ATXN7: variants seen among roughly 807,000 people sequenced by gnomAD.
ATXN7 encodes ataxin-7.
Under a neutral mutation model 70.5 loss-of-function variants are expected in ATXN7, and 12 were observed. That is an observed-to-expected ratio of 0.17 (90% CI 0.11 to 0.28). The LOEUF is 0.28. Ranked by LOEUF, ATXN7 falls within the 10% of genes least tolerant of loss-of-function variation. The pLI is 1.00. For missense variants in ATXN7, 1,256 were observed against 1,131.7 expected (o/e 1.11, Z -1.58); for synonymous variants, 498 against 448.7 (o/e 1.11, Z -1.39).
chr3:63,920,724 T>C (rs72880330), intron 4 of ATXN7, among the ~76,000 whole-genome samples: 2,878 of 152,240 alleles, frequency 0.019, 98 homozygotes, highest in African/African-American at 0.063. Flanking sequence ...TTAGAAGTAA[T>C]GGGCTTTTTA....
At chr3:63,876,608 T>C (rs1702754710) in intron 1 of ATXN7, among the ~76,000 whole-genome samples, 1 of 152,164 alleles carries the variant, frequency 6.6e-6, no homozygotes, top group Non-Finnish European at 1.5e-5. Context: ...CTAGAAAAGA[T>C]TTTTCAGTAC....
chr3:63,990,687 G>A (rs1031538989), intron 10 of ATXN7, 51 bp from the exon 11 acceptor site: 1 of 1,613,396 alleles, frequency 6.2e-7, no homozygotes, highest in Non-Finnish European at 8.5e-7. Flanking sequence ...ACCCTGACTG[G>A]GCATGCCAGT....
At chr3:63,988,499 C>A in intron 9 of ATXN7, 175 bp downstream of exon 9, 1 of 840,792 alleles carries the variant, frequency 1.2e-6, no homozygotes, top group Non-Finnish European at 1.8e-6. Context: ...CAGTAAGTTT[C>A]AACCAGGGCT....
intron 1 of ATXN7, chr3:63,878,491 A>G (rs746366040): frequency 6.6e-6 from 1 of 152,244 alleles, no homozygotes; most frequent in Non-Finnish European, 1.5e-5. Context: ...AATTTGCAAG[A>G]TGAATAACCA....
intron 12 of ATXN7, 47 bp downstream of exon 12, chr3:63,996,530 C>T (rs757485869): frequency 1.3e-6 from 2 of 1,572,334 alleles, no homozygotes; most frequent in South Asian, 2.3e-5. Flanking sequence ...TTTCTTCTCC[C>T]TTAAGATCTT....
intron 1 of ATXN7, among the ~76,000 whole-genome samples, chr3:63,877,324 G>T (rs1166888480): frequency 6.6e-6 from 1 of 152,150 alleles, no homozygotes; most frequent in Non-Finnish European, 1.5e-5. Context: ...TCTACCCAGA[G>T]ATATCACTAT....
intron 5 of ATXN7, among the ~76,000 whole-genome samples, chr3:63,954,857 T>TGCCACTATGCCCG (rs1266983950): frequency 6.6e-6 from 1 of 151,702 alleles, no homozygotes; most frequent in East Asian, 1.9e-4. Context: ...TACAGGTGCA[T>TGCCACTATGCCCG]GCCACTATGC....
At chr3:63,871,143 T>C (rs1454868728) in intron 1 of ATXN7, among the ~76,000 whole-genome samples, 1 of 152,182 alleles carries the variant, frequency 6.6e-6, no homozygotes, top group Non-Finnish European at 1.5e-5. Flanking sequence ...TACACTCTTT[T>C]TGGAGTTTAC....
chr3:63,917,161 C>T (rs546298452), intron 4 of ATXN7, among the ~76,000 whole-genome samples: 2 of 152,252 alleles, frequency 1.3e-5, no homozygotes, highest in South Asian at 4.2e-4. Flanking sequence ...CAGAAGTGAT[C>T]CACCCACCTC....
chr3:63,903,386 CAAAAA>C (rs775558434), intron 2 of ATXN7, among the ~76,000 whole-genome samples: 4 of 49,574 alleles, frequency 8.1e-5, no homozygotes, highest in East Asian at 6.2e-4. Flanking sequence ...GACTCCGTCT[CAAAAA>C]AAAAAAAAAA....
At chr3:63,918,083 A>G (rs6798742) in intron 4 of ATXN7, among the ~76,000 whole-genome samples, 63,959 of 152,026 alleles carry the variant, frequency 0.42, 15,303 homozygotes, top group African/African-American at 0.66. Context: ...ACTTGATGAC[A>G]GGTTATTTCC....
At chr3:63,928,578 C>G (rs1041471636) in intron 4 of ATXN7, among the ~76,000 whole-genome samples, 1 of 152,146 alleles carries the variant, frequency 6.6e-6, no homozygotes, top group African/African-American at 2.4e-5. Context: ...TGGACTGCCT[C>G]AATCCTTACA....
At position 63,990,773 on chromosome 3, in the gene ATXN7, C is replaced by G; in HGVS notation, c.1596C>G (p.Gly532=). 6.2e-7 allele frequency: 1 copy of G among 1,614,130 alleles called. No individual in the cohort carries two copies. The highest frequency in any genetic ancestry group is 8.5e-7 in the Non-Finnish European group (1 of 1,180,004). ...CTFGSRQIGR[G]YYVFDSRWNR... is the part of the protein sequence containing the mutation. Reference sequence around the variant, plus strand: ...TTGGGAGCCGGCAGATAGGAAGAGGCTATTACGTGTTTGACTCCAGGTGGA... The same window carrying G: ...TTGGGAGCCGGCAGATAGGAAGAGGGTATTACGTGTTTGACTCCAGGTGGA... Residue 532 remains glycine, a synonymous_variant, in exon 11 of 13, where the codon GGC becomes GGG. Transcript: ENST00000674280.
At chr3:63,996,561 T>G (rs1432492131) in intron 12 of ATXN7, 78 bp downstream of exon 12, 1 of 1,493,390 alleles carries the variant, frequency 6.7e-7, no homozygotes, top group Non-Finnish European at 9.0e-7. Flanking sequence ...AGAAATGTGT[T>G]TGGTTGGGTT....
chr3:63,944,900 T>A (rs1408607316), intron 4 of ATXN7, among the ~76,000 whole-genome samples: 1 of 152,186 alleles, frequency 6.6e-6, no homozygotes, highest in Non-Finnish European at 1.5e-5. Flanking sequence ...CAAGCAATCC[T>A]CCTGCCTCAG....
chr3:63,940,285 TCA>T (rs34660611), intron 4 of ATXN7, among the ~76,000 whole-genome samples: 5,075 of 141,202 alleles, frequency 0.036, 94 homozygotes, highest in African/African-American at 0.071. Context: ...CCATGCCCCA[TCA>T]CACACACACA....
At chr3:63,993,978 A>G (rs973587417) in intron 11 of ATXN7, among the ~76,000 whole-genome samples, 4 of 152,138 alleles carry the variant, frequency 2.6e-5, no homozygotes, top group African/African-American at 9.7e-5. Context: ...GTAATTAATG[A>G]CACTGCCTGC....
At chr3:63,996,528 C>G (rs764223620) in intron 12 of ATXN7, 45 bp downstream of exon 12, 18 of 1,578,844 alleles carry the variant, frequency 1.1e-5, no homozygotes, top group Non-Finnish European at 1.6e-5. Flanking sequence ...CATTTCTTCT[C>G]CCTTAAGATC....
chr3:63,954,810 G>A (rs563336475), intron 5 of ATXN7, among the ~76,000 whole-genome samples: 1 of 149,392 alleles, frequency 6.7e-6, no homozygotes, highest in South Asian at 2.1e-4. Flanking sequence ...CTGGGTTCAA[G>A]CAATTCTCCT....
Sources: allele counts gnomAD v4.1 joint callset (sites outside exome capture counted in the v4.1 genomes callset), GRCh38; gene constraint gnomAD v4.1.1; transcripts MANE v1.5; gene names NCBI Gene and HGNC (gene_info 2026-07-23, HGNC 2026-07-21).